The following LMBR1 variants were observed in gnomAD, a reference collection of about 807,000 sequenced individuals.
The protein encoded by LMBR1 is limb development membrane protein 1, also known as limb region 1 protein homolog.
LMBR1 carries 52 observed loss-of-function variants against 73.9 expected under a neutral mutation model. The observed-to-expected ratio is 0.70, with a 90% CI of 0.56 to 0.89. LMBR1 has a LOEUF of 0.89. Ranked by LOEUF, LMBR1 falls within the 40% of genes least tolerant of loss-of-function variation. The probability of loss-of-function intolerance (pLI) is 0.00; values close to 1 mark genes in which losing one functional copy is unlikely to be tolerated. For synonymous variants in LMBR1, 215 were observed against 209.4 expected, an observed-to-expected ratio of 1.03 and a Z score of -0.23; for missense variants, 539 against 579.8, an observed-to-expected ratio of 0.93 and a Z score of 0.72.
intron 7 of LMBR1, 89 bp downstream of exon 7, chr7:156,763,019 T>C: frequency 1.4e-6 from 1 of 692,746 alleles, no homozygotes; most frequent in East Asian, 2.9e-5. Flanking sequence ...TCCAAATAGT[T>C]AAGAAATCTC....
Position 156,724,187 on chromosome 7 carries a change from A to C in LMBR1, c.1159-9T>G. The C allele has an allele frequency of 6.2e-7, 1 of 1,605,124 alleles. No homozygotes were observed. Among genetic ancestry groups the C allele is most frequent in the Non-Finnish European group, 8.5e-7 (1 of 1,173,968 alleles). On this transcript the variant is annotated splice_polypyrimidine_tract_variant and intron_variant, in intron 14 of 16. Transcript: ENST00000353442. ...ACACAATTTCCAATGATCTGTTATGAGAAACGAGAAAGAATATTGGGCAGT... is the reference window on the plus strand; with the variant it reads ...ACACAATTTCCAATGATCTGTTATGCGAAACGAGAAAGAATATTGGGCAGT...
intron 1 of LMBR1, 39 bp downstream of exon 1, chr7:156,892,889 G>A (rs747349943): frequency 7.1e-7 from 1 of 1,399,960 alleles, no homozygotes; most frequent in Non-Finnish European, 9.4e-7. Context: ...GCCCGGGCGG[G>A]CACGCGGGAC....
intron 5 of LMBR1, among the ~76,000 whole-genome samples, chr7:156,781,011 C>G (rs77424671): frequency 0.012 from 1,809 of 152,290 alleles, 14 homozygotes; most frequent in Non-Finnish European, 0.019. Flanking sequence ...TCCATAAAAG[C>G]AAGCTCATAC....
At chr7:156,861,393 C>G (rs1362055811) in intron 1 of LMBR1, among the ~76,000 whole-genome samples, 1 of 152,162 alleles carries the variant, frequency 6.6e-6, no homozygotes, top group East Asian at 1.9e-4. Flanking sequence ...CAGGGGGGCC[C>G]TGGGCCCTGC....
chr7:156,874,528 C>T (rs1458687320), intron 1 of LMBR1, among the ~76,000 whole-genome samples: 1 of 152,196 alleles, frequency 6.6e-6, no homozygotes, highest in East Asian at 1.9e-4. Flanking sequence ...CAAGAGCAAG[C>T]GAGGGCCCCG....
intron 1 of LMBR1, among the ~76,000 whole-genome samples, chr7:156,869,804 T>C (rs1485005050): frequency 6.6e-6 from 1 of 152,184 alleles, no homozygotes; most frequent in Non-Finnish European, 1.5e-5. Context: ...AAGAGATAAT[T>C]AGATATTCCA....
intron 9 of LMBR1, among the ~76,000 whole-genome samples, chr7:156,751,936 T>C (rs932948244): frequency 2.6e-5 from 4 of 152,272 alleles, no homozygotes; most frequent in South Asian, 4.1e-4. Flanking sequence ...TCGCAGCTTA[T>C]AGGTGGTATT....
downstream of LMBR1, among the ~76,000 whole-genome samples, chr7:156,672,880 T>C (rs1802870331): frequency 1.3e-5 from 2 of 152,230 alleles, no homozygotes; most frequent in African/African-American, 2.4e-5. Flanking sequence ...TATTTAAAAA[T>C]GTGATCGGTA....
chr7:156,711,913 G>A (rs1376133541), intron 15 of LMBR1, among the ~76,000 whole-genome samples: 1 of 151,994 alleles, frequency 6.6e-6, no homozygotes, highest in East Asian at 1.9e-4. Context: ...AGAAAACCTA[G>A]GAAAACTCTT....
Position 156,699,513 on chromosome 7 carries a change from A to C in LMBR1, c.1226-11322T>G, listed in dbSNP as rs1158776702. ...GGCACGGGCAAGGAATTCATGTCTAAAACACCAAAAGCAATGGCAACAAAA... is the reference window on the plus strand; with the variant it reads ...GGCACGGGCAAGGAATTCATGTCTACAACACCAAAAGCAATGGCAACAAAA... On this transcript the variant is annotated intron_variant, in intron 15 of 16. Transcript: ENST00000353442. Among the ~76,000 whole-genome samples, 4 of 152,036 alleles carry C rather than the reference A, an allele frequency of 2.6e-5. No individual in the cohort carries two copies. The East Asian group carries it at 7.7e-4, about 29-fold the overall frequency.
intron 15 of LMBR1, among the ~76,000 whole-genome samples, chr7:156,707,066 A>G (rs1313859321): frequency 6.6e-6 from 1 of 152,126 alleles, no homozygotes; most frequent in Non-Finnish European, 1.5e-5. Flanking sequence ...AACCGATACC[A>G]CAGAAATACA....
chr7:156,881,052 A>G (rs1391581788), intron 1 of LMBR1, among the ~76,000 whole-genome samples: 1 of 152,262 alleles, frequency 6.6e-6, no homozygotes, highest in East Asian at 1.9e-4. Context: ...TGGAGAAAGA[A>G]CAAAGTTGGT....
intron 1 of LMBR1, among the ~76,000 whole-genome samples, chr7:156,865,801 C>G (rs1798363644): frequency 6.6e-6 from 1 of 152,094 alleles, no homozygotes. Context: ...TGATTTTCAA[C>G]AAGAGTATCA....
intron 8 of LMBR1, among the ~76,000 whole-genome samples, chr7:156,757,583 G>C (rs1430628860): frequency 6.6e-6 from 1 of 152,150 alleles, no homozygotes; most frequent in Non-Finnish European, 1.5e-5. Context: ...CGTAGCTGTA[G>C]GGCAAATCTC....
chr7:156,847,227 C>T (rs1400489531), intron 1 of LMBR1, among the ~76,000 whole-genome samples: 2 of 152,136 alleles, frequency 1.3e-5, no homozygotes, highest in African/African-American at 4.8e-5. Flanking sequence ...AACTGGACAT[C>T]CACATGCATA....
intron 8 of LMBR1, 126 bp downstream of exon 8, chr7:156,762,008 A>AT (rs1160971179): frequency 8.0e-6 from 5 of 623,114 alleles, no homozygotes; most frequent in Non-Finnish European, 1.4e-5. Flanking sequence ...TAAAACAACA[A>AT]TTTGAGTGAT....
intron 5 of LMBR1, among the ~76,000 whole-genome samples, chr7:156,791,205 T>C (rs989806702): frequency 6.6e-6 from 1 of 152,180 alleles, no homozygotes; most frequent in South Asian, 2.1e-4. Flanking sequence ...CAGCAGGGGC[T>C]TCCCTTTTGT....
chr7:156,849,361 A>AT (rs1439502019), intron 1 of LMBR1, among the ~76,000 whole-genome samples: 1 of 152,150 alleles, frequency 6.6e-6, no homozygotes, highest in African/African-American at 2.4e-5. Flanking sequence ...CTACTTGAGG[A>AT]TGGGAGGGAG....
At chr7:156,705,764 A>G (rs778925977) in intron 15 of LMBR1, among the ~76,000 whole-genome samples, 8 of 152,230 alleles carry the variant, frequency 5.3e-5, no homozygotes, top group Non-Finnish European at 7.3e-5. Flanking sequence ...ATGAAAGTAT[A>G]AAACTCACAA....
Sources: allele counts gnomAD v4.1 joint callset (sites outside exome capture counted in the v4.1 genomes callset), GRCh38; gene constraint gnomAD v4.1.1; transcripts MANE v1.5; gene names NCBI Gene and HGNC (gene_info 2026-07-23, HGNC 2026-07-21).